The following CTPS2 variants were observed in gnomAD, a reference collection of about 807,000 sequenced individuals.
CTPS2 encodes CTP synthase II.
Under a neutral mutation model 46.8 loss-of-function variants are expected in CTPS2, and 19 were observed. That is an observed-to-expected ratio of 0.41 (90% CI 0.28 to 0.60). The LOEUF (loss-of-function observed/expected upper bound fraction) is 0.60, where lower values mean the gene tolerates loss of function less well. Ranked by LOEUF, CTPS2 falls within the 20% of genes least tolerant of loss-of-function variation. CTPS2 has a pLI of 0.35. For missense variants in CTPS2, 286 were observed against 447.6 expected, an observed-to-expected ratio of 0.64 and a Z score of 3.26; for synonymous variants, 151 against 165.2, an observed-to-expected ratio of 0.91 and a Z score of 0.66.
intron 2 of CTPS2, among the ~76,000 whole-genome samples, chrX:16,702,125 G>A (rs895955869): frequency 1.4e-4 from 16 of 110,767 alleles, no homozygotes; most frequent in African/African-American, 5.3e-4. Context: ...CTCGATCTTG[G>A]CTCACTGCAA....
At chrX:16,683,278 A>G (rs1209953020) in intron 8 of CTPS2, 52 bp from the exon 9 acceptor site, 13 of 1,161,039 alleles carry the variant, frequency 1.1e-5, no homozygotes, top group Non-Finnish European at 1.3e-5. Flanking sequence ...GAACATCACA[A>G]ACAGAACAAT....
intron 1 of CTPS2, 111 bp downstream of exon 1, chrX:16,712,224 C>G (rs1023892963): frequency 1.8e-5 from 2 of 112,365 alleles, no homozygotes; most frequent in African/African-American, 6.4e-5. Flanking sequence ...AGGAGCCCGG[C>G]CCCACAAGTG....
At chrX:16,708,954 CA>C (rs1201230602) in intron 1 of CTPS2, among the ~76,000 whole-genome samples, 4 of 107,086 alleles carry the variant, frequency 3.7e-5, no homozygotes. Flanking sequence ...ACTAAAAATA[CA>C]AAAATTAGCC....
chrX:16,709,088 G>A (rs1925240795), intron 1 of CTPS2, among the ~76,000 whole-genome samples: 1 of 109,730 alleles, frequency 9.1e-6, no homozygotes, highest in Non-Finnish European at 1.9e-5. Flanking sequence ...CAGCCTGGGG[G>A]ACAAGAGCGA....
Position 16,667,609 on chromosome X carries a change from T to G in CTPS2, c.1253-52A>C, listed in dbSNP as rs767047740. 4.2e-6 allele frequency: 5 copies of G among 1,201,357 alleles called. No individual in the cohort carries two copies. In the Admixed American group the frequency reaches 8.8e-5, roughly 21 times the overall value. Reference sequence around the variant, plus strand: ...ATTCACCAATAGTGCTGAAAAATATTTGAAGAGAGAAAATTTTTTAAATAA... The same window carrying G: ...ATTCACCAATAGTGCTGAAAAATATGTGAAGAGAGAAAATTTTTTAAATAA... On this transcript the variant is annotated intron_variant, in intron 12 of 18. Coordinates refer to ENST00000359276, the MANE Select transcript of CTPS2 (RefSeq NM_175859.3).
chrX:16,694,699 A>G (rs1156881539), intron 4 of CTPS2, among the ~76,000 whole-genome samples: 1 of 112,336 alleles, frequency 8.9e-6, no homozygotes, highest in Non-Finnish European at 1.9e-5. Context: ...TACCAAAATT[A>G]CAGCAGAACC....
chrX:16,650,098 A>G (rs1932530383), intron 13 of CTPS2: 1 of 111,845 alleles, frequency 8.9e-6, no homozygotes, highest in Admixed American at 9.5e-5. Flanking sequence ...GGAAATTTTC[A>G]TAATCAGGGT....
intron 17 of CTPS2, 151 bp downstream of exon 17, chrX:16,609,390 A>G (rs1042971826): frequency 3.6e-6 from 2 of 557,887 alleles, no homozygotes; most frequent in Non-Finnish European, 5.7e-6. Context: ...TGATTAAATC[A>G]TTTTCACAAA....
rs930084455 is a variant in CTPS2, at chrX:16,668,303, G to A, written c.1190-579C>T. 8.4e-5 allele frequency among the ~76,000 whole-genome samples: 9 copies of A among 106,523 alleles called. No individual in the cohort carries two copies. In the East Asian group the frequency reaches 2.1e-3, roughly 25 times the overall value. 92.5% of individuals were successfully genotyped at this position (106,523 alleles called of 115,157 possible). ...AAGAGAGGAAGGAGGAGCTGGGTGC[G>A]GTGGCTCACACTTGTAATCCCAGCG... is the stretch of plus-strand genomic sequence containing the variant. On this transcript the variant is annotated intron_variant, in intron 11 of 18. Transcript: ENST00000359276.
chrX:16,684,325 A>T (rs888921863), intron 8 of CTPS2, among the ~76,000 whole-genome samples: 1 of 110,152 alleles, frequency 9.1e-6, no homozygotes, highest in Non-Finnish European at 1.9e-5. Flanking sequence ...CCTGGCCAAC[A>T]TGGTGAAACC....
chrX:16,668,542 G>A (rs1420947186), intron 11 of CTPS2, among the ~76,000 whole-genome samples: 2 of 106,092 alleles, frequency 1.9e-5, no homozygotes, highest in Middle Eastern at 4.3e-3. Context: ...CAGAGATCGC[G>A]CCACTGCACT....
At chrX:16,693,798 T>C (rs1000365891) in intron 4 of CTPS2, among the ~76,000 whole-genome samples, 1 of 105,415 alleles carries the variant, frequency 9.5e-6, no homozygotes, top group Non-Finnish European at 2.0e-5. Flanking sequence ...TCTGAAAAAA[T>C]ATAAAAATAA....
At chrX:16,678,035 T>C (rs1302939240) in intron 10 of CTPS2, among the ~76,000 whole-genome samples, 1 of 112,039 alleles carries the variant, frequency 8.9e-6, no homozygotes, top group Non-Finnish European at 1.9e-5. Flanking sequence ...TCTTGTACTT[T>C]AACTTTGCAT....
intron 2 of CTPS2, among the ~76,000 whole-genome samples, chrX:16,702,147 C>T (rs564073278): frequency 9.0e-6 from 1 of 110,702 alleles, no homozygotes; most frequent in African/African-American, 3.3e-5. Context: ...CTCCGCCTGC[C>T]AGGTTCAAGT....
rs1932152940 is a variant in CTPS2 at position 16,643,018 on chromosome X, T to C, written c.1297-3775A>G. On this transcript the variant is annotated intron_variant, in intron 13 of 18. Transcript: ENST00000359276. Reference sequence around the variant, plus strand: ...ACTGAGCCATATAGTATGAGAAAAATAAAAAAGGATCAATAAGTGATAAAG... The same window carrying C: ...ACTGAGCCATATAGTATGAGAAAAACAAAAAAGGATCAATAAGTGATAAAG... Among the ~76,000 whole-genome samples the C allele has an allele frequency of 3.6e-5, 4 of 111,580 alleles. No homozygotes were observed. In the South Asian group the frequency reaches 1.5e-3, roughly 41 times the overall value.
intron 17 of CTPS2, among the ~76,000 whole-genome samples, chrX:16,600,110 G>A (rs1929572308): frequency 8.9e-6 from 1 of 112,178 alleles, no homozygotes; most frequent in Non-Finnish European, 1.9e-5. Flanking sequence ...GTTTGTCATA[G>A]TGAAGTTTGC....
At chrX:16,685,638 T>C (rs905496725) in intron 8 of CTPS2, among the ~76,000 whole-genome samples, 6 of 106,345 alleles carry the variant, frequency 5.6e-5, no homozygotes, top group Middle Eastern at 4.8e-3. Context: ...GTGGGCGGAT[T>C]ACGATGTCAG....
intron 13 of CTPS2, among the ~76,000 whole-genome samples, chrX:16,659,069 A>T (rs1026758982): frequency 2.7e-5 from 3 of 112,206 alleles, no homozygotes; most frequent in Non-Finnish European, 5.6e-5. Flanking sequence ...AACCAACGTT[A>T]GTCTATGGTT....
rs60328217 is a variant in CTPS2, at chrX:16,623,792, CTTTTTTTTTTTTTTTTTTT to C, written c.1394-3479_1394-3461del. On this transcript the variant is annotated intron_variant, in intron 14 of 18. Transcript: ENST00000359276. ...ATACCCAGCAGTCATCCCCTCAATTCTTTTTTTTTTTTTTTTTTTTTTTTTTTTTTTTCTGAGACGGAGT... is the reference window on the plus strand; with the variant it reads ...ATACCCAGCAGTCATCCCCTCAATTCTTTTTTTTTTTTTCTGAGACGGAGT... Among the ~76,000 whole-genome samples, 74 of 21,694 alleles carry C rather than the reference CTTTTTTTTTTTTTTTTTTT, an allele frequency of 3.4e-3. 2 individuals carry two copies. Among genetic ancestry groups the C allele is most frequent in the African/African-American group, 0.013 (70 of 5,317 alleles). The allele number at this position is 21,694 out of a possible 115,157, so 18.8% of individuals were successfully genotyped here. A position where few individuals can be genotyped will look rare whatever the true frequency, so the allele number is the denominator to read the frequency against.
Sources: allele counts gnomAD v4.1 joint callset (sites outside exome capture counted in the v4.1 genomes callset), GRCh38; gene constraint gnomAD v4.1.1; transcripts MANE v1.5; gene names NCBI Gene and HGNC (gene_info 2026-07-23, HGNC 2026-07-21).